NFIB: variants seen among roughly 807,000 people sequenced by gnomAD.
The protein encoded by NFIB is nuclear factor 1 B-type.
A neutral mutation model predicts 61.5 loss-of-function variants in NFIB; 11 were observed. The ratio of observed to expected loss-of-function variants is 0.18; its 90% confidence interval spans 0.11 to 0.30. The LOEUF (loss-of-function observed/expected upper bound fraction) is 0.30, where lower values mean the gene tolerates loss of function less well. NFIB is among the 10% of genes least tolerant of loss of function. The pLI is 1.00. For synonymous variants in NFIB, 260 were observed against 216.5 expected, an observed-to-expected ratio of 1.20 and a Z score of -1.76; for missense variants, 471 against 608.9, an observed-to-expected ratio of 0.77 and a Z score of 2.38.
intron 2 of NFIB, among the ~76,000 whole-genome samples, chr9:14,194,252 T>C (rs528309700): frequency 1.3e-5 from 2 of 152,306 alleles, no homozygotes; most frequent in South Asian, 4.1e-4. Context: ...GCAATAACTT[T>C]CACTTTTTAT....
At chr9:14,291,420 G>C (rs113895595) in intron 2 of NFIB, among the ~76,000 whole-genome samples, 47 of 152,268 alleles carry the variant, frequency 3.1e-4, no homozygotes, top group African/African-American at 9.9e-4. Flanking sequence ...GGGAGGTGGA[G>C]GTTGCAGTGA....
At chr9:14,119,244 C>T (rs2038602323) in intron 8 of NFIB, among the ~76,000 whole-genome samples, 1 of 152,152 alleles carries the variant, frequency 6.6e-6, no homozygotes, top group Non-Finnish European at 1.5e-5. Context: ...TAAGATCCCA[C>T]TCTCACTTAG....
chr9:14,155,780 T>C, intron 4 of NFIB, 45 bp downstream of exon 4: 1 of 1,217,372 alleles, frequency 8.2e-7, no homozygotes, highest in South Asian at 1.4e-5. Flanking sequence ...TAAAGTATTT[T>C]AAATCATACT....
chr9:14,181,820 CA>C (rs1422860261), intron 2 of NFIB, among the ~76,000 whole-genome samples: 1 of 152,206 alleles, frequency 6.6e-6, no homozygotes, highest in East Asian at 1.9e-4. Flanking sequence ...ATGCACCCCT[CA>C]AGGTGGCTAA....
the NFIB span, among the ~76,000 whole-genome samples, chr9:14,496,635 A>G: frequency 6.6e-6 from 1 of 152,118 alleles, no homozygotes; most frequent in African/African-American, 2.4e-5. Context: ...TTCGTAGTCC[A>G]TCTAAGTCAT....
intron 6 of NFIB, among the ~76,000 whole-genome samples, chr9:14,144,231 T>C (rs2042052321): frequency 6.6e-6 from 1 of 152,138 alleles, no homozygotes; most frequent in South Asian, 2.1e-4. Context: ...ATTGGCTTTA[T>C]TCAGTAGGCT....
chr9:14,443,371 A>C, the NFIB span, among the ~76,000 whole-genome samples: 1 of 152,162 alleles, frequency 6.6e-6, no homozygotes, highest in African/African-American at 2.4e-5. Flanking sequence ...CTAATTAGCT[A>C]TCCAGCCTCT....
At chr9:14,343,777 G>C (rs2060981936) in intron 1 of NFIB, among the ~76,000 whole-genome samples, 2 of 145,874 alleles carry the variant, frequency 1.4e-5, no homozygotes, top group African/African-American at 5.1e-5. Context: ...GCATGCATGA[G>C]AGTCCCAAGC....
intron 2 of NFIB, among the ~76,000 whole-genome samples, chr9:14,190,329 G>T (rs970535286): frequency 6.6e-6 from 1 of 152,152 alleles, no homozygotes; most frequent in Admixed American, 6.5e-5. Flanking sequence ...AGAGTAAGAT[G>T]ATGCATAGCC....
intron 2 of NFIB, among the ~76,000 whole-genome samples, chr9:14,240,905 G>C (rs1039480301): frequency 1.3e-5 from 2 of 152,196 alleles, no homozygotes; most frequent in African/African-American, 2.4e-5. Context: ...GACAGCGTAA[G>C]ATGGAGCTCT....
the NFIB span, among the ~76,000 whole-genome samples, chr9:14,519,187 C>G: frequency 6.6e-6 from 1 of 152,064 alleles, no homozygotes; most frequent in African/African-American, 2.4e-5. Context: ...GGCTAAGAGA[C>G]TAGAACTTAA....
At chr9:14,467,756 A>G in the NFIB span, among the ~76,000 whole-genome samples, 3 of 152,200 alleles carry the variant, frequency 2.0e-5, no homozygotes, top group African/African-American at 7.2e-5. Flanking sequence ...ATTAGGAAAG[A>G]AAACTAAGAA....
the NFIB span, among the ~76,000 whole-genome samples, chr9:14,464,771 T>A: frequency 6.6e-6 from 1 of 152,158 alleles, no homozygotes; most frequent in Non-Finnish European, 1.5e-5. Flanking sequence ...GGGACCTGAC[T>A]GACCTTGACT....
chr9:14,182,280 G>C (rs1471882360), intron 2 of NFIB, among the ~76,000 whole-genome samples: 2 of 152,070 alleles, frequency 1.3e-5, no homozygotes, highest in Non-Finnish European at 2.9e-5. Context: ...AAATGATCTG[G>C]TGTTTACTGG....
At chr9:14,378,402 G>C (rs919780406) in intron 1 of NFIB, among the ~76,000 whole-genome samples, 1 of 152,068 alleles carries the variant, frequency 6.6e-6, no homozygotes, top group Admixed American at 6.5e-5. Context: ...CTGTCACCAG[G>C]CTGGAGTGCA....
At chr9:14,410,988 G>A in the NFIB span, among the ~76,000 whole-genome samples, 1 of 152,038 alleles carries the variant, frequency 6.6e-6, no homozygotes, top group African/African-American at 2.4e-5. Context: ...ATTTTCCCTT[G>A]GAAGAAATAT....
At chr9:14,116,394 C>A in intron 8 of NFIB, 48 bp from the exon 9 acceptor site, 1 of 1,431,384 alleles carries the variant, frequency 7.0e-7, no homozygotes, top group South Asian at 1.6e-5. Context: ...AAAAGGCAGT[C>A]ATCTTGTTCA....
At position 14,322,821 on chromosome 9, in the gene NFIB, TGTGCGGCCGC is replaced by T. The variant is rs1309507398; in HGVS notation, c.109-15311_109-15302del. ...TGGGTAGCGGTGGGGCTCTGGTCTT[TGTGCGGCCGC>T]ATGGGGCCGGAGAGCGGCGAGGGCG... On this transcript the variant is annotated intron_variant, in intron 1 of 8. Transcript: ENST00000380934. Among the ~76,000 whole-genome samples the T allele has an allele frequency of 3.3e-5, 5 of 151,446 alleles. No individual in the cohort carries two copies. The South Asian group carries it at 8.3e-4, about 25-fold the overall frequency.
chr9:14,196,993 T>C (rs917246633), intron 2 of NFIB, among the ~76,000 whole-genome samples: 13 of 152,230 alleles, frequency 8.5e-5, no homozygotes, highest in African/African-American at 3.1e-4. Flanking sequence ...CCATTTCATA[T>C]ACATTGGTAC....
Sources: allele counts gnomAD v4.1 joint callset (sites outside exome capture counted in the v4.1 genomes callset), GRCh38; gene constraint gnomAD v4.1.1; transcripts MANE v1.5; gene names NCBI Gene and HGNC (gene_info 2026-07-23, HGNC 2026-07-21).